The following EIF2B3 variants were observed in gnomAD, a reference collection of about 807,000 sequenced individuals.
EIF2B3 encodes the protein translation initiation factor eIF2B subunit gamma.
Under a neutral mutation model 54.1 loss-of-function variants are expected in EIF2B3, and 20 were observed. The ratio of observed to expected loss-of-function variants is 0.37; its 90% CI spans 0.26 to 0.54. The LOEUF (loss-of-function observed/expected upper bound fraction) is 0.54. Among genes scored for constraint, EIF2B3 ranks in the 20% least tolerant of loss-of-function variants. The pLI, the probability that EIF2B3 is intolerant of heterozygous loss-of-function variation, is 0.86. For missense variants in EIF2B3, 448 were observed against 547.8 expected (o/e 0.82, Z 1.82); for synonymous variants, 153 against 188.1 (o/e 0.81, Z 1.52).
chr1:44,926,696 C>G lies in EIF2B3; in HGVS notation c.498G>C (p.Arg166Ser), dbSNP rs1261172003. ...CTGCTTCATTAGCCATGAAGAGCAG[C>G]CTCTTTCCTGTGCTGTCCACTCCAA... The part of the protein sequence containing the change: ...DFIGVDSTGK[R>S]LLFMANEADL... Residue 166 changes from arginine (R) to serine (S), a missense_variant, in exon 5 of 12, where the codon AGG (arginine) becomes AGC (serine). Coordinates refer to ENST00000360403, the MANE Select transcript of EIF2B3 (RefSeq NM_020365.5). 6.2e-7 allele frequency: 1 copy of G among 1,613,940 alleles called. No homozygotes were observed. Among genetic ancestry groups the G allele is most frequent in the Non-Finnish European group, 8.5e-7 (1 of 1,180,002 alleles).
chr1:44,972,291 G>GTA (rs1644408846), intron 3 of EIF2B3, among the ~76,000 whole-genome samples: 2 of 66,138 alleles, frequency 3.0e-5, no homozygotes, highest in African/African-American at 7.8e-5. Context: ...ACACACACAT[G>GTA]TATATACACA....
chr1:44,910,374 C>A (rs59938994), intron 5 of EIF2B3, among the ~76,000 whole-genome samples: 1 of 152,040 alleles, frequency 6.6e-6, no homozygotes, highest in Non-Finnish European at 1.5e-5. Flanking sequence ...TAACAAGCTC[C>A]TTCTACCAGA....
At position 44,930,735 on chromosome 1, in the gene EIF2B3, G is replaced by A. The variant is rs1216124310; in HGVS notation, c.455-3996C>T. On this transcript the variant is annotated intron_variant, in intron 4 of 11. Transcript: ENST00000360403. ...GGCTCACTGCAACCTCCGCCTCTCG[G>A]GTTCAAGCAATTCTCCTGCCTCAAC... is the stretch of plus-strand genomic sequence containing the variant. Among the ~76,000 whole-genome samples, 3 of 152,158 alleles carry A rather than the reference G, an allele frequency of 2.0e-5. No homozygotes were observed. The East Asian group carries it at 5.8e-4, about 29-fold the overall frequency.
At chr1:44,962,220 C>CATCATT in intron 3 of EIF2B3, among the ~76,000 whole-genome samples, 1 of 151,264 alleles carries the variant, frequency 6.6e-6, no homozygotes, top group African/African-American at 2.4e-5. Context: ...TCATCATCAT[C>CATCATT]ATCATCATCA....
intron 4 of EIF2B3, among the ~76,000 whole-genome samples, chr1:44,937,006 G>A (rs1643955232): frequency 6.6e-6 from 1 of 152,162 alleles, no homozygotes; most frequent in Admixed American, 6.6e-5. Flanking sequence ...CTGAAACCCA[G>A]TCTGAACTCT....
At chr1:44,935,248 T>C (rs554490761) in intron 4 of EIF2B3, among the ~76,000 whole-genome samples, 70 of 152,110 alleles carry the variant, frequency 4.6e-4, no homozygotes, top group Admixed American at 1.1e-3. Flanking sequence ...AACAATTACA[T>C]AGAGGAATGT....
intron 1 of EIF2B3, among the ~76,000 whole-genome samples, chr1:44,981,741 G>A (rs1644515500): frequency 6.6e-6 from 1 of 151,974 alleles, no homozygotes; most frequent in African/African-American, 2.4e-5. Context: ...TTCGAGACCA[G>A]CCTGGGCAAC....
At chr1:44,977,934 T>A (rs1644469291) in intron 3 of EIF2B3, among the ~76,000 whole-genome samples, 1 of 152,146 alleles carries the variant, frequency 6.6e-6, no homozygotes, top group African/African-American at 2.4e-5. Context: ...AGAAATAAAG[T>A]TTTGTAAACT....
intron 6 of EIF2B3, among the ~76,000 whole-genome samples, chr1:44,882,928 CTTTTTTT>C (rs1003449669): frequency 4.5e-4 from 52 of 114,470 alleles, no homozygotes; most frequent in East Asian, 3.8e-3. Flanking sequence ...TTTTCTTTTT[CTTTTTTT>C]TTTTTTTTTT....
rs529413862 is a variant in EIF2B3, at chr1:44,952,742, C to T, written c.295-11077G>A. Among the ~76,000 whole-genome samples the T allele has an allele frequency of 7.3e-5, 11 of 151,618 alleles. No individual in the cohort carries two copies. The South Asian group carries it at 1.9e-3, about 26-fold the overall frequency. ...TAATTTTTTGTATTTTTAGTAGAGA[C>T]GGGGTTTCACTGTGTTAGCCAGGAT... is the stretch of plus-strand genomic sequence containing the variant. On this transcript the variant is annotated intron_variant, in intron 3 of 11. Transcript: ENST00000360403.
chr1:44,858,423 C>G (rs964088861), intron 10 of EIF2B3, among the ~76,000 whole-genome samples: 5 of 152,074 alleles, frequency 3.3e-5, no homozygotes, highest in Non-Finnish European at 7.4e-5. Context: ...ACAATGGGCT[C>G]CCCACACTCT....
chr1:44,878,374 T>G (rs1292139948), intron 8 of EIF2B3, among the ~76,000 whole-genome samples: 1 of 152,174 alleles, frequency 6.6e-6, no homozygotes, highest in Non-Finnish European at 1.5e-5. Context: ...GCAATTCTCC[T>G]GCCTCAGCCT....
At chr1:44,959,516 C>T (rs1285859845) in intron 3 of EIF2B3, 1 of 218,622 alleles carries the variant, frequency 4.6e-6, no homozygotes, top group Non-Finnish European at 9.3e-6. Context: ...GCACTCCAGC[C>T]TGGGCAACAG....
At position 44,868,410 on chromosome 1, in the gene EIF2B3, A is replaced by G. The variant is rs1654854434; in HGVS notation, c.1202+6268T>C. 3.3e-5 allele frequency among the ~76,000 whole-genome samples: 5 copies of G among 151,340 alleles called. No homozygotes were observed. In the South Asian group the frequency reaches 1.0e-3, roughly 31 times the overall value. On this transcript the variant is annotated intron_variant, in intron 10 of 11. Coordinates refer to ENST00000360403, the MANE Select transcript of EIF2B3 (RefSeq NM_020365.5). Reference sequence around the variant, plus strand: ...GAGACTCCGTCTCAAAAAAAAAAAAAAAAAAAAAAAAGAAAGCTGTAGTGT... The same window carrying G: ...GAGACTCCGTCTCAAAAAAAAAAAAGAAAAAAAAAAAGAAAGCTGTAGTGT...
At chr1:44,903,985 G>A (rs958679112) in intron 5 of EIF2B3, among the ~76,000 whole-genome samples, 1 of 152,158 alleles carries the variant, frequency 6.6e-6, no homozygotes, top group African/African-American at 2.4e-5. Context: ...GCCAAGGCAG[G>A]AGAATCGCTT....
chr1:44,879,741 C>T, intron 8 of EIF2B3, 77 bp downstream of exon 8: 2 of 1,496,818 alleles, frequency 1.3e-6, no homozygotes, highest in Middle Eastern at 2.3e-4. Flanking sequence ...TTACTATGTA[C>T]CTAATGAAGA....
In EIF2B3 at chr1:44,881,723, G is replaced by A. The variant is rs766866104; in HGVS notation, c.673C>T (p.Arg225Trp). The A allele has an allele frequency of 1.3e-5, 21 of 1,613,946 alleles. No homozygotes were observed. The highest frequency in any genetic ancestry group is 1.1e-5 in the Non-Finnish European group (13 of 1,179,968). Residue 225 changes from arginine to tryptophan, a missense_variant, in exon 7 of 12, where the codon CGG becomes TGG. Arg to Trp is a moderately radical substitution (Grantham distance 101). This residue lies in a region of EIF2B3 where 350 missense variants were observed against 414.2 expected (regional missense o/e 0.85). Coordinates refer to ENST00000360403, the MANE Select transcript of EIF2B3 (RefSeq NM_020365.5). The surrounding 1 kb of genome is among the most constrained non-coding windows in gnomAD (Gnocchi z 4.0). ...ACTAAATATGGAATCAGTTCACTCC[G>A]GATAGAAGTTATTGACCTAGAAAGA... ...LMENGSITSIRSELIPYLVRK... is the reference protein window; with the variant it reads ...LMENGSITSIWSELIPYLVRK...
At chr1:44,872,189 C>T (rs2148900024) in intron 10 of EIF2B3, among the ~76,000 whole-genome samples, 1 of 152,284 alleles carries the variant, frequency 6.6e-6, no homozygotes, top group South Asian at 2.1e-4. Context: ...TATGCCACCA[C>T]TCCAGGCTAA....
At chr1:44,980,408 C>T (rs939349715) in intron 2 of EIF2B3, among the ~76,000 whole-genome samples, 2 of 151,666 alleles carry the variant, frequency 1.3e-5, no homozygotes, top group African/African-American at 2.4e-5. Flanking sequence ...TGAACCCTGG[C>T]GGAGGTTGTA....
Sources: gnomAD v4.1 joint callset for allele counts (sites outside exome capture counted in the v4.1 genomes callset) on GRCh38, gnomAD v4.1.1 for gene constraint, gnomAD v4.1.1 regional missense constraint, Gnocchi (gnomAD v3.1) non-coding constraint, MANE v1.5 for transcripts, NCBI Gene and HGNC (gene_info 2026-07-23, HGNC 2026-07-21) for gene names.